The following TRMT9B variants were observed in gnomAD, a reference collection of about 807,000 sequenced individuals.
TRMT9B encodes the protein probable tRNA methyltransferase 9B.
A neutral mutation model predicts 11.5 loss-of-function variants in TRMT9B; 16 were observed. The ratio of observed to expected loss-of-function variants is 1.39; its 90% confidence interval spans 0.94 to 2.11. TRMT9B has a LOEUF of 2.11. Among genes scored for constraint, TRMT9B ranks in the 30% most tolerant of loss-of-function variants. The pLI is 0.00. For missense variants in TRMT9B, 941 were observed against 553.8 expected, an observed-to-expected ratio of 1.70 and a Z score of -7.02; for synonymous variants, 274 against 192.4, an observed-to-expected ratio of 1.42 and a Z score of -3.51.
chr8:12,978,474 T>A (rs1804799103), intron 1 of TRMT9B, among the ~76,000 whole-genome samples: 2 of 149,386 alleles, frequency 1.3e-5, no homozygotes, highest in Non-Finnish European at 3.0e-5. Flanking sequence ...GCCCAGACAG[T>A]TGCTGCTAAC....
chr8:12,984,133 T>C (rs893645959), intron 1 of TRMT9B, among the ~76,000 whole-genome samples: 5 of 152,180 alleles, frequency 3.3e-5, no homozygotes, highest in Admixed American at 2.0e-4. Context: ...ATGCCCAAAA[T>C]TATTAAAAAT....
chr8:12,993,748 C>G (rs1311348043), intron 2 of TRMT9B, among the ~76,000 whole-genome samples: 1 of 152,230 alleles, frequency 6.6e-6, no homozygotes, highest in Non-Finnish European at 1.5e-5. Context: ...ACCCTAGTGG[C>G]CATGGTACAT....
intron 1 of TRMT9B, among the ~76,000 whole-genome samples, chr8:12,985,685 A>C (rs1585210175): frequency 1.3e-5 from 2 of 152,126 alleles, no homozygotes; most frequent in African/African-American, 4.8e-5. Flanking sequence ...AAATTTAGTT[A>C]TAGTAGAGCT....
chr8:12,955,590 A>G (rs1039938692), intron 1 of TRMT9B, among the ~76,000 whole-genome samples: 1 of 152,136 alleles, frequency 6.6e-6, no homozygotes, highest in Non-Finnish European at 1.5e-5. Context: ...GTAACTGCGA[A>G]TGTCAAATAG....
chr8:12,984,294 G>A (rs2128874802), intron 1 of TRMT9B, among the ~76,000 whole-genome samples: 1 of 152,322 alleles, frequency 6.6e-6, no homozygotes, highest in East Asian at 1.9e-4. Context: ...CTGGTCCCAA[G>A]CACTTTGGTT....
intron 2 of TRMT9B, 140 bp downstream of exon 2, chr8:12,991,171 T>C (rs1310184197): frequency 1.1e-5 from 3 of 282,818 alleles, no homozygotes; most frequent in East Asian, 1.1e-4. Flanking sequence ...TGGAATTTAT[T>C]TTTGCATGAG....
chr8:13,015,335 C>G (rs1166776088), intron 4 of TRMT9B, among the ~76,000 whole-genome samples: 1 of 151,946 alleles, frequency 6.6e-6, no homozygotes, highest in Non-Finnish European at 1.5e-5. Flanking sequence ...TCTCGCCTCC[C>G]TAACCTTCAG....
chr8:12,963,270 T>C (rs931076845), intron 1 of TRMT9B, among the ~76,000 whole-genome samples: 1 of 151,860 alleles, frequency 6.6e-6, no homozygotes, highest in Non-Finnish European at 1.5e-5. Flanking sequence ...GTCTCTACTT[T>C]AAAAATTCAA....
At chr8:12,975,557 C>T (rs1441500892) in intron 1 of TRMT9B, among the ~76,000 whole-genome samples, 2 of 151,734 alleles carry the variant, frequency 1.3e-5, no homozygotes, top group East Asian at 1.9e-4. Context: ...GCCAACATGG[C>T]GAAACCGAGT....
At chr8:13,007,693 C>T (rs1025767836) in intron 3 of TRMT9B, 12 of 152,060 alleles carry the variant, frequency 7.9e-5, no homozygotes, top group Non-Finnish European at 1.2e-4. Flanking sequence ...GCTCTTACCA[C>T]GTATAATCTA....
chr8:13,002,340 C>T (rs887173695), intron 2 of TRMT9B, among the ~76,000 whole-genome samples: 1 of 152,142 alleles, frequency 6.6e-6, no homozygotes, highest in Non-Finnish European at 1.5e-5. Context: ...TGATTGATTC[C>T]TTGAGAAAGG....
intron 2 of TRMT9B, among the ~76,000 whole-genome samples, chr8:12,996,022 G>A (rs1808273594): frequency 2.6e-5 from 4 of 152,150 alleles, no homozygotes; most frequent in African/African-American, 9.7e-5. Context: ...CCATGAAACA[G>A]CAAGATAATT....
chr8:13,010,521 T>C (rs1450338371), intron 3 of TRMT9B: 110 of 983,796 alleles, frequency 1.1e-4, no homozygotes, highest in Non-Finnish European at 1.3e-4. Context: ...CTTTTATTGT[T>C]CACATTCAAG....
At chr8:12,973,679 GC>G (rs1234727157) in intron 1 of TRMT9B, among the ~76,000 whole-genome samples, 2 of 152,136 alleles carry the variant, frequency 1.3e-5, no homozygotes, top group African/African-American at 4.8e-5. Flanking sequence ...ACTGTCATAG[GC>G]AGCCAGCAGG....
At chr8:12,991,800 G>A (rs1807384682) in intron 2 of TRMT9B, among the ~76,000 whole-genome samples, 1 of 151,990 alleles carries the variant, frequency 6.6e-6, no homozygotes, top group Admixed American at 6.6e-5. Context: ...GCGTGGTGGT[G>A]GGCGCCTGTA....
intron 1 of TRMT9B, among the ~76,000 whole-genome samples, chr8:12,979,498 T>A (rs968410809): frequency 6.6e-5 from 10 of 151,870 alleles, no homozygotes. Context: ...AATAAAAAAA[T>A]AAAGGTTTGT....
rs562307596 is a variant in TRMT9B at position 13,023,195 on chromosome 8, A to T, written c.*1151A>T. The T allele has an allele frequency of 6.0e-6, 1 of 167,244 alleles. No homozygotes were observed. The highest frequency in any genetic ancestry group is 2.4e-5 in the African/African-American group (1 of 41,580). 10.4% of individuals were successfully genotyped at this position (167,244 alleles called of 1,614,324 possible). A position where few individuals can be genotyped will look rare whatever the true frequency, so the allele number is the denominator to read the frequency against. ...GAATATCCAAGACCAAGATTGACTAATGATGAGTCTGCATCAAGAACTAGG... is the reference window on the plus strand; with the variant it reads ...GAATATCCAAGACCAAGATTGACTATTGATGAGTCTGCATCAAGAACTAGG... On this transcript the variant is annotated 3_prime_UTR_variant, in exon 5 of 5. Transcript: ENST00000524591.
Position 13,021,055 on chromosome 8 carries a change from G to C in TRMT9B, c.376G>C (p.Glu126Gln). The change falls in exon 5 of 5, where the codon GAA (glutamate) becomes CAA (glutamine). Residue 126 changes from glutamate (E) to glutamine (Q), a missense_variant. By Grantham distance (29) the Glu-to-Gln change is conservative. Coordinates refer to ENST00000524591, the MANE Select transcript of TRMT9B (RefSeq NM_020844.3). Reference protein sequence around the residue: ...TKQRRIRAIKEMARVLVPGGQ... With the variant: ...TKQRRIRAIKQMARVLVPGGQ... ...ACAAAGAAGAATCAGAGCAATAAAAGAAATGGCCAGGGTCTTAGTTCCCGG... is the reference window on the plus strand; with the variant it reads ...ACAAAGAAGAATCAGAGCAATAAAACAAATGGCCAGGGTCTTAGTTCCCGG... 6 of 1,584,224 alleles carry C rather than the reference G, an allele frequency of 3.8e-6. No individual in the cohort carries two copies. The highest frequency in any genetic ancestry group is 5.1e-6 in the Non-Finnish European group (6 of 1,167,094).
Position 12,988,315 on chromosome 8 carries a change from T to C in TRMT9B, c.-199-2519T>C, listed in dbSNP as rs138794434. ...ATTCTTCACACCAGATAAGGGGTATTGACATTGTGATTTTGAACACTGTTT... is the reference window on the plus strand; with the variant it reads ...ATTCTTCACACCAGATAAGGGGTATCGACATTGTGATTTTGAACACTGTTT... On this transcript the variant is annotated intron_variant, in intron 1 of 4. Coordinates refer to ENST00000524591, the MANE Select transcript of TRMT9B (RefSeq NM_020844.3). 2.9e-3 allele frequency among the ~76,000 whole-genome samples: 444 copies of C among 152,314 alleles called. 2 individuals are homozygous for C. Among genetic ancestry groups the C allele is most frequent in the African/African-American group, 0.01 (428 of 41,554 alleles).
Sources: allele counts gnomAD v4.1 joint callset (sites outside exome capture counted in the v4.1 genomes callset), GRCh38; gene constraint gnomAD v4.1.1; transcripts MANE v1.5; gene names NCBI Gene and HGNC (gene_info 2026-07-23, HGNC 2026-07-21).